CATSPERE: variants seen among roughly 807,000 people sequenced by gnomAD.
CATSPERE encodes cation channel sperm-associated auxiliary subunit epsilon.
Under a neutral mutation model 114.1 loss-of-function variants are expected in CATSPERE, and 93 were observed. The observed-to-expected ratio is 0.81, with a 90% CI of 0.69 to 0.97. The LOEUF (loss-of-function observed/expected upper bound fraction) is 0.97, where lower values mean the gene tolerates loss of function less well. Ranked by LOEUF, CATSPERE falls within the 50% of genes least tolerant of loss-of-function variation. CATSPERE has a pLI of 0.00. For missense variants in CATSPERE, 1,058 were observed against 1,131.6 expected (o/e 0.93, Z 0.93); for synonymous variants, 341 against 384.1 (o/e 0.89, Z 1.31).
chr1:244,569,004 C>T (rs1664036566), intron 10 of CATSPERE, among the ~76,000 whole-genome samples: 1 of 152,212 alleles, frequency 6.6e-6, no homozygotes, highest in African/African-American at 2.4e-5. Context: ...GTGTAGTAAC[C>T]TGAGGGAGTC....
chr1:244,492,025 G>A (rs1267773949), intron 6 of CATSPERE, among the ~76,000 whole-genome samples: 18 of 152,278 alleles, frequency 1.2e-4, no homozygotes, highest in Non-Finnish European at 1.5e-4. Flanking sequence ...ACAAGGAGGA[G>A]CTGGTACCAT....
In CATSPERE at chr1:244,640,324, A is replaced by G. The variant is rs991222839; in HGVS notation, c.*243A>G. The G allele has an allele frequency of 1.5e-5, 4 of 267,982 alleles. No homozygotes were observed. Among genetic ancestry groups the G allele is most frequent in the African/African-American group, 2.2e-5 (1 of 44,958 alleles). 16.6% of individuals were successfully genotyped at this position (267,982 alleles called of 1,614,324 possible). On this transcript the variant is annotated 3_prime_UTR_variant, in exon 22 of 22. Transcript: ENST00000366534. ...TTAAAGATACTCTATGTACTCTCACATGGCATGAAAAAATAAACTAAATTT... is the reference window on the plus strand; with the variant it reads ...TTAAAGATACTCTATGTACTCTCACGTGGCATGAAAAAATAAACTAAATTT...
At chr1:244,515,775 T>C (rs952926000) in intron 7 of CATSPERE, among the ~76,000 whole-genome samples, 9 of 152,024 alleles carry the variant, frequency 5.9e-5, no homozygotes, top group Non-Finnish European at 8.8e-5. Flanking sequence ...TGTACAGCCA[T>C]ATGTTGATAC....
chr1:244,501,805 T>C (rs532407336), intron 7 of CATSPERE, among the ~76,000 whole-genome samples: 37 of 152,342 alleles, frequency 2.4e-4, no homozygotes, highest in Middle Eastern at 3.4e-3. Context: ...AGAAACAGCA[T>C]AGACTCTTAA....
chr1:244,471,339 A>G (rs1253405806), intron 2 of CATSPERE, among the ~76,000 whole-genome samples: 2 of 152,238 alleles, frequency 1.3e-5, no homozygotes, highest in African/African-American at 4.8e-5. Context: ...AGGTTTATAC[A>G]TTATGATTAT....
rs1188777429 is a variant in CATSPERE at position 244,552,568 on chromosome 1, C to T, written c.783C>T (p.His261=). The change falls in exon 9 of 22, where the codon CAC becomes CAT. Residue 261 remains histidine (H), a synonymous_variant. Transcript: ENST00000366534. Reference sequence around the variant, plus strand: ...TGGTGACAGATATGGAGACCTTTCACACAACTGATTCATTCAAATCTTGGA... The same window carrying T: ...TGGTGACAGATATGGAGACCTTTCATACAACTGATTCATTCAAATCTTGGA... The part of the protein sequence containing the change: ...AVLVTDMETF[H]TTDSFKSWTR... 1.2e-6 allele frequency: 2 copies of T among 1,614,170 alleles called. No individual in the cohort carries two copies. The highest frequency in any genetic ancestry group is 1.7e-5 in the Admixed American group (1 of 60,020).
chr1:244,497,304 G>T (rs1467313759), intron 6 of CATSPERE, among the ~76,000 whole-genome samples: 1 of 151,722 alleles, frequency 6.6e-6, no homozygotes, highest in Non-Finnish European at 1.5e-5. Context: ...AAAAGAAAAT[G>T]GAATACAGGT....
chr1:244,640,222 A>G lies in CATSPERE; in HGVS notation c.*141A>G, dbSNP rs1002549751. ...CATCACCAAATTCAAGATCTGAAAA[A>G]TATTCTTGAACTATCTCCAAAATAG... On this transcript the variant is annotated 3_prime_UTR_variant, in exon 22 of 22. Transcript: ENST00000366534. 8.4e-6 allele frequency: 5 copies of G among 598,178 alleles called. No homozygotes were observed. The highest frequency in any genetic ancestry group is 7.5e-5 in the African/African-American group (4 of 53,318). The allele number at this position is 598,178 out of a possible 1,614,324, so 37.1% of individuals were successfully genotyped here.
At chr1:244,597,426 C>T (rs1668582320) in intron 17 of CATSPERE, among the ~76,000 whole-genome samples, 1 of 152,120 alleles carries the variant, frequency 6.6e-6, no homozygotes, top group African/African-American at 2.4e-5. Context: ...ATCATTTACC[C>T]CTACTTGAAA....
At chr1:244,581,682 T>C in intron 11 of CATSPERE, 114 bp from the exon 12 acceptor site, 2 of 567,666 alleles carry the variant, frequency 3.5e-6, no homozygotes, top group South Asian at 3.7e-5. Flanking sequence ...CATCATTACA[T>C]ACCCTAATGA....
intron 7 of CATSPERE, among the ~76,000 whole-genome samples, chr1:244,509,814 C>T (rs571123584): frequency 2.6e-5 from 4 of 151,914 alleles, no homozygotes; most frequent in Non-Finnish European, 4.4e-5. Context: ...GTAGATTTTA[C>T]GTGTCCAGGA....
rs947119922 is a variant in CATSPERE at position 244,633,079 on chromosome 1, A to G, written c.2649-2410A>G. On this transcript the variant is annotated intron_variant, in intron 20 of 21. Coordinates refer to ENST00000366534, the MANE Select transcript of CATSPERE (RefSeq NM_001130957.2). This position sits in a 1 kb window ranked among gnomAD's most constrained non-coding sequence, Gnocchi z 4.1. ...ATGATAAAGAAGGTGTAATAATCCT[A>G]AATGTGGATTTACCTTTAAAACAGC... Among the ~76,000 whole-genome samples, 2 of 152,250 alleles carry G rather than the reference A, an allele frequency of 1.3e-5. No homozygotes were observed. The highest frequency in any genetic ancestry group is 2.9e-5 in the Non-Finnish European group (2 of 68,040).
chr1:244,499,186 ACCTAACT>A, intron 7 of CATSPERE, 107 bp downstream of exon 7: 1 of 707,920 alleles, frequency 1.4e-6, no homozygotes, highest in South Asian at 2.0e-5. Context: ...AGCTGCCCAC[ACCTAACT>A]AAATACATTT....
At chr1:244,515,321 C>T (rs998955145) in intron 7 of CATSPERE, 2 of 981,708 alleles carry the variant, frequency 2.0e-6, no homozygotes, top group African/African-American at 3.5e-5. Flanking sequence ...ATACTCTCCT[C>T]TGGATGGTGA....
intron 20 of CATSPERE, among the ~76,000 whole-genome samples, chr1:244,620,355 G>A (rs1671934302): frequency 6.6e-6 from 1 of 152,158 alleles, no homozygotes; most frequent in African/African-American, 2.4e-5. Flanking sequence ...CATGTGAAAG[G>A]CTGAGCAGAA....
At chr1:244,470,706 G>A (rs1324129254) in intron 2 of CATSPERE, among the ~76,000 whole-genome samples, 1 of 152,102 alleles carries the variant, frequency 6.6e-6, no homozygotes, top group East Asian at 1.9e-4. Context: ...ACAAAAACTA[G>A]TACATGAATG....
At chr1:244,495,519 G>A (rs1672946439) in intron 6 of CATSPERE, among the ~76,000 whole-genome samples, 1 of 151,976 alleles carries the variant, frequency 6.6e-6, no homozygotes, top group Non-Finnish European at 1.5e-5. Context: ...TCAGGAGATT[G>A]AGACCATCCT....
chr1:244,549,865 G>A (rs1349744647), intron 8 of CATSPERE, among the ~76,000 whole-genome samples: 1 of 152,166 alleles, frequency 6.6e-6, no homozygotes, highest in African/African-American at 2.4e-5. Context: ...ATTAGCATTT[G>A]AATTGGTAGA....
chr1:244,613,758 G>A (rs1219840652), intron 19 of CATSPERE, among the ~76,000 whole-genome samples: 2 of 152,092 alleles, frequency 1.3e-5, no homozygotes, highest in Non-Finnish European at 2.9e-5. Flanking sequence ...AGTCAGTTCT[G>A]GTAGTATGTT....
Sources: allele counts gnomAD v4.1 joint callset (sites outside exome capture counted in the v4.1 genomes callset), GRCh38; gene constraint gnomAD v4.1.1; non-coding constraint Gnocchi (gnomAD v3.1); transcripts MANE v1.5; gene names NCBI Gene and HGNC (gene_info 2026-07-23, HGNC 2026-07-21).